ANO2: variants seen among roughly 807,000 people sequenced by gnomAD.
ANO2 encodes anoctamin 2.
ANO2 carries 101 observed loss-of-function variants against 124.2 expected under a neutral mutation model. That is an observed-to-expected ratio of 0.81 (90% CI 0.69 to 0.96). The LOEUF (loss-of-function observed/expected upper bound fraction) is 0.96. Ranked by LOEUF, ANO2 falls within the 40% of genes least tolerant of loss-of-function variation. ANO2 has a pLI of 0.00. For missense variants in ANO2, 1,293 were observed against 1,274.5 expected, an observed-to-expected ratio of 1.01 and a Z score of -0.22; for synonymous variants, 486 against 482.5, an observed-to-expected ratio of 1.01 and a Z score of -0.09.
At chr12:5,591,980 G>A (rs922501004) in intron 20 of ANO2, among the ~76,000 whole-genome samples, 7 of 152,156 alleles carry the variant, frequency 4.6e-5, no homozygotes, top group African/African-American at 9.7e-5. Flanking sequence ...CTAATGACTT[G>A]ACCCCTTAGG....
chr12:5,808,996 G>A (rs1591641349), intron 7 of ANO2, among the ~76,000 whole-genome samples: 1 of 152,330 alleles, frequency 6.6e-6, no homozygotes, highest in South Asian at 2.1e-4. Context: ...CTTCCAATGA[G>A]TTGAAAGCTA....
chr12:5,574,359 G>A (rs866635928), intron 23 of ANO2, among the ~76,000 whole-genome samples: 5 of 152,122 alleles, frequency 3.3e-5, no homozygotes, highest in African/African-American at 4.8e-5. Flanking sequence ...TAAGTTGGAC[G>A]TCTCCAGAAG....
rs890020053 is a variant in ANO2, at chr12:5,676,818, C to T, written c.1546-29017G>A. On this transcript the variant is annotated intron_variant, in intron 14 of 24. Coordinates refer to ENST00000682330, the MANE Select transcript of ANO2 (RefSeq NM_001364791.2). ...CCTATAATCCCAGCACTTTGGGAGGCCGAGCCAGGCAGATCACTTGAGGTC... is the reference window on the plus strand; with the variant it reads ...CCTATAATCCCAGCACTTTGGGAGGTCGAGCCAGGCAGATCACTTGAGGTC... Among the ~76,000 whole-genome samples, 8 of 152,214 alleles carry T rather than the reference C, an allele frequency of 5.3e-5. No homozygotes were observed. In the East Asian group the frequency reaches 1.5e-3, roughly 29 times the overall value.
At chr12:5,663,787 G>A (rs1947561651) in intron 14 of ANO2, among the ~76,000 whole-genome samples, 1 of 152,228 alleles carries the variant, frequency 6.6e-6, no homozygotes, top group Non-Finnish European at 1.5e-5. Flanking sequence ...GAGGGGTTAA[G>A]ATACACTGAT....
intron 6 of ANO2, among the ~76,000 whole-genome samples, chr12:5,829,744 G>A (rs1221681563): frequency 6.6e-6 from 1 of 151,976 alleles, no homozygotes; most frequent in Non-Finnish European, 1.5e-5. Context: ...GGTGAATGAA[G>A]ATGTTCTACA....
chr12:5,713,049 C>T (rs1302105730), intron 14 of ANO2, among the ~76,000 whole-genome samples: 1 of 152,242 alleles, frequency 6.6e-6, no homozygotes, highest in Non-Finnish European at 1.5e-5. Context: ...GGATGGATAC[C>T]TCTGACACAG....
intron 7 of ANO2, among the ~76,000 whole-genome samples, chr12:5,818,170 C>T (rs1286240586): frequency 1.4e-4 from 1 of 7,032 alleles, no homozygotes; most frequent in Non-Finnish European, 2.2e-3. Context: ...GAGGGTGTTG[C>T]CAAAGATTAA....
intron 17 of ANO2, among the ~76,000 whole-genome samples, chr12:5,614,810 T>C (rs1944720703): frequency 6.6e-6 from 1 of 152,140 alleles, no homozygotes; most frequent in South Asian, 2.1e-4. Context: ...GCCGTGCCCT[T>C]AACCTATGAA....
At chr12:5,587,809 G>A (rs1193667500) in intron 20 of ANO2, among the ~76,000 whole-genome samples, 1 of 152,026 alleles carries the variant, frequency 6.6e-6, no homozygotes, top group Non-Finnish European at 1.5e-5. Context: ...GCCTGAGGAG[G>A]CTCCCCACCC....
chr12:5,717,232 C>T (rs1004342160), intron 14 of ANO2, among the ~76,000 whole-genome samples: 1 of 152,162 alleles, frequency 6.6e-6, no homozygotes, highest in African/African-American at 2.4e-5. Context: ...GCTCTTCCTT[C>T]CCACACCTCC....
At chr12:5,786,923 C>T (rs1952556990) in intron 10 of ANO2, among the ~76,000 whole-genome samples, 1 of 152,182 alleles carries the variant, frequency 6.6e-6, no homozygotes, top group African/African-American at 2.4e-5. Flanking sequence ...TAAACTGGTC[C>T]TTGATGAGCG....
intron 3 of ANO2, among the ~76,000 whole-genome samples, chr12:5,907,477 C>T (rs1940775540): frequency 6.6e-6 from 1 of 152,132 alleles, no homozygotes; most frequent in African/African-American, 2.4e-5. Context: ...GGCACATATG[C>T]CTTGAACTGT....
intron 17 of ANO2, among the ~76,000 whole-genome samples, chr12:5,613,179 T>C (rs1381781064): frequency 6.6e-6 from 1 of 152,062 alleles, no homozygotes; most frequent in Non-Finnish European, 1.5e-5. Context: ...TGTCAGACGA[T>C]AGGAATAAGC....
At chr12:5,638,614 C>A (rs1160074140) in intron 15 of ANO2, among the ~76,000 whole-genome samples, 1 of 151,492 alleles carries the variant, frequency 6.6e-6, no homozygotes, top group South Asian at 2.1e-4. Flanking sequence ...TGGGTATATT[C>A]CATGTTTGTG....
chr12:5,635,067 A>AT lies in ANO2; in HGVS notation c.1816+84dup, dbSNP rs200651789. Reference sequence around the variant, plus strand: ...GTACAAAGCATCCTGTCCCTGTCCCATTTTTTTTATTTTATCACCAAAAGC... The same window carrying AT: ...GTACAAAGCATCCTGTCCCTGTCCCATTTTTTTTTATTTTATCACCAAAAGC... On this transcript the variant is annotated intron_variant, in intron 16 of 24. Transcript: ENST00000682330. The surrounding 1 kb of genome is among the most constrained non-coding windows in gnomAD (Gnocchi z 5.2). The AT allele has an allele frequency of 9.3e-4, 1,159 of 1,244,694 alleles. 9 individuals carry two copies. In the African/African-American group the frequency reaches 0.015, roughly 17 times the overall value. The allele number at this position is 1,244,694 out of a possible 1,614,324, so 77.1% of individuals were successfully genotyped here. A position where few individuals can be genotyped will look rare whatever the true frequency, so the allele number is the denominator to read the frequency against.
At chr12:5,610,421 T>C (rs1840828740) in intron 19 of ANO2, among the ~76,000 whole-genome samples, 1 of 125,914 alleles carries the variant, frequency 7.9e-6, no homozygotes, top group Non-Finnish European at 1.6e-5. Flanking sequence ...ATGCATATAT[T>C]TATACATAAA....
chr12:5,799,458 A>G (rs560289563), intron 10 of ANO2, 49 bp downstream of exon 10: 72 of 1,492,312 alleles, frequency 4.8e-5, no homozygotes, highest in Non-Finnish European at 6.4e-5. Flanking sequence ...TACATCTTTC[A>G]GGACTTGCAT....
intron 14 of ANO2, among the ~76,000 whole-genome samples, chr12:5,648,317 CT>C (rs1219017731): frequency 7.9e-5 from 12 of 152,178 alleles, no homozygotes; most frequent in Non-Finnish European, 1.8e-4. Flanking sequence ...ATCTCAGAGC[CT>C]AATCGTTGTG....
chr12:5,854,420 A>C (rs1048277611), intron 3 of ANO2, among the ~76,000 whole-genome samples: 16 of 148,976 alleles, frequency 1.1e-4, no homozygotes, highest in African/African-American at 3.7e-4. Flanking sequence ...AAAAAAAAAA[A>C]CAAGTTAAAA....
Sources: allele counts gnomAD v4.1 joint callset (sites outside exome capture counted in the v4.1 genomes callset), GRCh38; gene constraint gnomAD v4.1.1; non-coding constraint Gnocchi (gnomAD v3.1); transcripts MANE v1.5; gene names NCBI Gene and HGNC (gene_info 2026-07-23, HGNC 2026-07-21).